Variants in PDE4D observed in about 807,000 individuals in gnomAD.
PDE4D encodes the protein phosphodiesterase 4D.
Under a neutral mutation model 87.4 loss-of-function variants are expected in PDE4D, and 24 were observed. The observed-to-expected ratio is 0.27, with a 90% CI of 0.20 to 0.39. PDE4D has a LOEUF of 0.39. Among genes scored for constraint, PDE4D ranks in the 10% least tolerant of loss-of-function variants. The pLI, the probability that PDE4D is intolerant of heterozygous loss-of-function variation, is 1.00. For missense variants in PDE4D, 714 were observed against 1,041.0 expected (o/e 0.69, Z 4.32); for synonymous variants, 384 against 383.2 (o/e 1.00, Z -0.02).
intron 1 of PDE4D, among the ~76,000 whole-genome samples, chr5:60,402,782 C>T (rs1741204290): frequency 1.3e-5 from 2 of 152,218 alleles, no homozygotes; most frequent in South Asian, 2.1e-4. Context: ...TCTAACAAAG[C>T]TGTGAAACAG....
chr5:59,357,101 T>C (rs547384468), intron 1 of PDE4D: 19 of 378,314 alleles, frequency 5.0e-5, no homozygotes, highest in Non-Finnish European at 8.8e-5. Context: ...TATCTCATAA[T>C]TAACGTGAGA....
intron 1 of PDE4D, among the ~76,000 whole-genome samples, chr5:59,663,680 T>C (rs1373757435): frequency 2.0e-5 from 3 of 152,216 alleles, no homozygotes; most frequent in African/African-American, 7.2e-5. Context: ...TACAGAACGC[T>C]GTATAATTTT....
intron 1 of PDE4D, among the ~76,000 whole-genome samples, chr5:59,411,309 T>C (rs988550902): frequency 6.6e-6 from 1 of 152,234 alleles, no homozygotes; most frequent in Non-Finnish European, 1.5e-5. Context: ...TCTCTAGTTG[T>C]TTCTTCTCGT....
At chr5:58,990,358 G>C (rs1580135592) in intron 9 of PDE4D, among the ~76,000 whole-genome samples, 1 of 152,046 alleles carries the variant, frequency 6.6e-6, no homozygotes, top group Non-Finnish European at 1.5e-5. Context: ...CCCTAAGCTG[G>C]AGCAAAGGGT....
intron 1 of PDE4D, among the ~76,000 whole-genome samples, chr5:60,200,088 T>C (rs560939879): frequency 6.6e-6 from 1 of 151,662 alleles, no homozygotes; most frequent in African/African-American, 2.4e-5. Flanking sequence ...ATGAGAACAA[T>C]CATAATTTTA....
At chr5:60,323,133 G>T (rs1258068792) in intron 1 of PDE4D, among the ~76,000 whole-genome samples, 1 of 152,090 alleles carries the variant, frequency 6.6e-6, no homozygotes, top group Admixed American at 6.6e-5. Context: ...CTAGGCAGTG[G>T]CATCTATGGC....
At chr5:60,451,510 T>G (rs1036311429) in intron 1 of PDE4D, among the ~76,000 whole-genome samples, 4 of 152,074 alleles carry the variant, frequency 2.6e-5, no homozygotes, top group Non-Finnish European at 5.9e-5. Context: ...AATTCTAGTC[T>G]TGGCCGCTCT....
In PDE4D at chr5:60,226,442, A is replaced by G. The variant is rs1471087711; in HGVS notation, c.-89-40755T>C. On this transcript the variant is annotated intron_variant, in intron 1 of 16. Transcript: ENST00000502484. Reference sequence around the variant, plus strand: ...CCCCAGAGAACCAAAGAAAAAACCCAGTTGGAATGAACCTTCACAAAAATA... The same window carrying G: ...CCCCAGAGAACCAAAGAAAAAACCCGGTTGGAATGAACCTTCACAAAAATA... Among the ~76,000 whole-genome samples the G allele has an allele frequency of 2.0e-5, 3 of 152,188 alleles. No homozygotes were observed. The East Asian group carries it at 5.8e-4, about 29-fold the overall frequency.
rs574392914 is a variant in PDE4D, at chr5:60,324,060, A to G, written c.-89-138373T>C. The stretch of plus-strand genomic sequence containing the variant: ...GTTTGATTAAGTAAATGCCTCACTA[A>G]AAGGTAAATAAGCTCTATAAGGGCA... On this transcript the variant is annotated intron_variant, in intron 1 of 16. Coordinates refer to the PDE4D transcript ENST00000502484. Among the ~76,000 whole-genome samples, 217 of 152,232 alleles carry G rather than the reference A, an allele frequency of 1.4e-3. 1 individual carries two copies. Among genetic ancestry groups the G allele is most frequent in the Non-Finnish European group, 1.9e-3 (128 of 68,016 alleles).
chr5:60,464,173 T>C (rs984278226), intron 1 of PDE4D, among the ~76,000 whole-genome samples: 3 of 152,192 alleles, frequency 2.0e-5, no homozygotes, highest in Non-Finnish European at 4.4e-5. Flanking sequence ...TTTGTGAAAA[T>C]GAACCAAGTG....
chr5:60,200,692 T>G (rs987254125), intron 1 of PDE4D, among the ~76,000 whole-genome samples: 3 of 152,106 alleles, frequency 2.0e-5, no homozygotes, highest in Non-Finnish European at 4.4e-5. Flanking sequence ...CCAAATTCAC[T>G]TAGAAGCAAG....
intron 1 of PDE4D, among the ~76,000 whole-genome samples, chr5:59,526,933 T>C (rs1434895676): frequency 6.6e-6 from 1 of 152,188 alleles, no homozygotes; most frequent in Non-Finnish European, 1.5e-5. Flanking sequence ...GCCAATTTTA[T>C]TTCTTACTTG....
intron 1 of PDE4D, among the ~76,000 whole-genome samples, chr5:59,261,857 A>G (rs1294519989): frequency 2.6e-5 from 4 of 151,862 alleles, no homozygotes; most frequent in Admixed American, 2.6e-4. Flanking sequence ...GAATAAAAAT[A>G]TCTCTTATTA....
At chr5:59,243,860 T>C (rs760865724) in intron 1 of PDE4D, among the ~76,000 whole-genome samples, 4 of 152,106 alleles carry the variant, frequency 2.6e-5, no homozygotes, top group Admixed American at 6.6e-5. Flanking sequence ...GACCCAGTAA[T>C]AGCATTTCCA....
chr5:59,215,643 A>C, intron 2 of PDE4D, 134 bp downstream of exon 2: 1 of 718,438 alleles, frequency 1.4e-6, no homozygotes, highest in Non-Finnish European at 2.3e-6. Context: ...TCTAGCTTGT[A>C]TAATTTTATT....
Position 60,078,085 on chromosome 5 carries a change from C to A in PDE4D, c.43-89368G>T, listed in dbSNP as rs541707107. ...TGGGAGATGTTCCTTCTGGCTGCAT[C>A]TAGTCGACCATCTTGCCTCCTTCCT... On this transcript the variant is annotated intron_variant, in intron 2 of 16. Transcript: ENST00000502484. Among the ~76,000 whole-genome samples the A allele has an allele frequency of 1.3e-4, 20 of 152,272 alleles. 1 individual carries two copies. In the South Asian group the frequency reaches 3.9e-3, roughly 30 times the overall value.
Position 59,951,245 on chromosome 5 carries a change from C to T in PDE4D, c.272+37243G>A, listed in dbSNP as rs564455106. ...TGTATTTAGGTAAATTTATACTATTCTCTTATATCTAATGTCAATAAAAAT... is the reference window on the plus strand; with the variant it reads ...TGTATTTAGGTAAATTTATACTATTTTCTTATATCTAATGTCAATAAAAAT... On this transcript the variant is annotated intron_variant, in intron 3 of 16. Coordinates refer to the PDE4D transcript ENST00000502484. Among the ~76,000 whole-genome samples, 52 of 151,980 alleles carry T rather than the reference C, an allele frequency of 3.4e-4. 1 individual carries two copies. The highest frequency in any genetic ancestry group is 1.8e-4 in the Non-Finnish European group (12 of 67,970).
chr5:59,668,995 T>A (rs1390159611), intron 1 of PDE4D, among the ~76,000 whole-genome samples: 1 of 152,152 alleles, frequency 6.6e-6, no homozygotes, highest in Non-Finnish European at 1.5e-5. Flanking sequence ...GGAATATACA[T>A]GCATATTTGG....
In PDE4D at chr5:60,276,492, C is replaced by T. The variant is rs138223860; in HGVS notation, c.-89-90805G>A. The stretch of plus-strand genomic sequence containing the variant: ...GACAGCAACCTACTCTTGTAAGTAG[C>T]AGAGTCTCAGCCAATCACAGCAGCC... On this transcript the variant is annotated intron_variant, in intron 1 of 16. Coordinates refer to the PDE4D transcript ENST00000502484. 2.9e-3 allele frequency among the ~76,000 whole-genome samples: 436 copies of T among 151,994 alleles called. 1 individual carries two copies. Among genetic ancestry groups the T allele is most frequent in the Non-Finnish European group, 4.6e-3 (310 of 68,014 alleles).
Sources: allele counts gnomAD v4.1 joint callset (sites outside exome capture counted in the v4.1 genomes callset), GRCh38; gene constraint gnomAD v4.1.1; transcripts MANE v1.5; gene names NCBI Gene and HGNC (gene_info 2026-07-23, HGNC 2026-07-21).